Variants in CACNA1B observed in about 807,000 individuals in gnomAD.
CACNA1B encodes the protein calcium voltage-gated channel subunit alpha1 B, also known as voltage-dependent N-type calcium channel subunit alpha-1B.
In CACNA1B, 70 loss-of-function variants were observed where a neutral mutation model predicts 247.2. The ratio of observed to expected loss-of-function variants is 0.28; its 90% CI spans 0.23 to 0.35. The LOEUF is 0.35. Ranked by LOEUF, CACNA1B falls within the 10% of genes least tolerant of loss-of-function variation. The pLI, the probability that CACNA1B is intolerant of heterozygous loss-of-function variation, is 1.00. For missense variants in CACNA1B, 2,367 were observed against 3,197.4 expected, an observed-to-expected ratio of 0.74 and a Z score of 6.26; for synonymous variants, 1,231 against 1,294.4, an observed-to-expected ratio of 0.95 and a Z score of 1.05.
In CACNA1B at chr9:137,917,186, A is replaced by C; in HGVS notation, c.776-55A>C. 6.6e-7 allele frequency: 1 copy of C among 1,513,024 alleles called. No homozygotes were observed. Among genetic ancestry groups the C allele is most frequent in the Non-Finnish European group, 9.0e-7 (1 of 1,107,838 alleles). 93.7% of individuals were successfully genotyped at this position (1,513,024 alleles called of 1,614,324 possible). A position where few individuals can be genotyped will look rare whatever the true frequency, so the allele number is the denominator to read the frequency against. On this transcript the variant is annotated intron_variant, in intron 5 of 46. Transcript: ENST00000371372. The surrounding 1 kb of genome is among the most constrained non-coding windows in gnomAD (Gnocchi z 5.5). ...CCAGAGCCCAGGAATCCTGGTGGGG[A>C]TTGGAGAGCTTGGTATTTCTGAGCT...
Position 138,102,708 on chromosome 9 carries a change from C to T in CACNA1B, c.5223-3C>T. The stretch of plus-strand genomic sequence containing the variant: ...CCCTGGCCTCGCTGGGACGGGTTTC[C>T]AGTGGGCGCATCAGTTACAATGACA... On this transcript the variant is annotated splice_region_variant and splice_polypyrimidine_tract_variant and intron_variant, in intron 37 of 46. Transcript: ENST00000371372. This position sits in a 1 kb window ranked among gnomAD's most constrained non-coding sequence, Gnocchi z 5.4. The T allele has an allele frequency of 1.2e-6, 2 of 1,605,492 alleles. No homozygotes were observed. Among genetic ancestry groups the T allele is most frequent in the Non-Finnish European group, 1.7e-6 (2 of 1,173,846 alleles).
intron 3 of CACNA1B, among the ~76,000 whole-genome samples, chr9:137,884,964 C>A (rs925026526): frequency 2.8e-5 from 3 of 109,034 alleles, no homozygotes; most frequent in Non-Finnish European, 6.3e-5. Context: ...TCTTCCCCCC[C>A]CCCCTCCTCC....
intron 6 of CACNA1B, among the ~76,000 whole-genome samples, chr9:137,921,218 G>A (rs1564890135): frequency 6.6e-6 from 1 of 152,246 alleles, no homozygotes; most frequent in Non-Finnish European, 1.5e-5. Context: ...GAAAGAGATG[G>A]GGCTGGAGCT....
chr9:137,947,789 A>C (rs962123731), intron 6 of CACNA1B, among the ~76,000 whole-genome samples: 4 of 151,994 alleles, frequency 2.6e-5, no homozygotes, highest in African/African-American at 9.6e-5. Flanking sequence ...ATGGTTTCTG[A>C]TGAGAAACCA....
At chr9:138,027,958 T>G (rs1958941194) in intron 20 of CACNA1B, among the ~76,000 whole-genome samples, 1 of 151,760 alleles carries the variant, frequency 6.6e-6, no homozygotes. Context: ...ATTGCTTAAC[T>G]TCACAGCTCC....
intron 37 of CACNA1B, among the ~76,000 whole-genome samples, chr9:138,097,313 G>A (rs539415902): frequency 6.6e-6 from 1 of 152,306 alleles, no homozygotes; most frequent in East Asian, 1.9e-4. Flanking sequence ...GAAGGGCATG[G>A]TTTGGGTCAG....
At chr9:137,993,522 G>A (rs969166974) in intron 15 of CACNA1B, among the ~76,000 whole-genome samples, 1 of 151,968 alleles carries the variant, frequency 6.6e-6, no homozygotes, top group African/African-American at 2.4e-5. Flanking sequence ...ATTACTACTG[G>A]TACCACAGAA....
In CACNA1B at chr9:137,894,216, C is replaced by T. The variant is rs528787581; in HGVS notation, c.530+11333C>T. 3.3e-5 allele frequency among the ~76,000 whole-genome samples: 5 copies of T among 152,012 alleles called. No individual in the cohort carries two copies. The South Asian group carries it at 1.0e-3, about 32-fold the overall frequency. On this transcript the variant is annotated intron_variant, in intron 3 of 46. Transcript: ENST00000371372. ...TTTTAAGAAACTGCCAAACTCTCAGCCAGAGTGGATGTCCCGTTTCACATT... is the reference window on the plus strand; with the variant it reads ...TTTTAAGAAACTGCCAAACTCTCAGTCAGAGTGGATGTCCCGTTTCACATT...
At chr9:138,037,086 A>T (rs199708976) in intron 20 of CACNA1B, among the ~76,000 whole-genome samples, 1 of 152,086 alleles carries the variant, frequency 6.6e-6, no homozygotes, top group Admixed American at 6.6e-5. Context: ...TATTCATGCC[A>T]TTTATTTGTT....
intron 18 of CACNA1B, among the ~76,000 whole-genome samples, chr9:138,013,447 A>C (rs1488442674): frequency 6.6e-6 from 1 of 152,120 alleles, no homozygotes; most frequent in African/African-American, 2.4e-5. Flanking sequence ...GTGGCCAGGC[A>C]CAGCCCTCAC....
chr9:138,112,745 A>T (rs189579742), intron 40 of CACNA1B, among the ~76,000 whole-genome samples: 208 of 152,292 alleles, frequency 1.4e-3, no homozygotes, highest in African/African-American at 3.8e-3. Context: ...TATTTTTTTT[A>T]AATCCAGAGG....
intron 20 of CACNA1B, among the ~76,000 whole-genome samples, chr9:138,028,337 G>A (rs1430979087): frequency 6.6e-6 from 1 of 151,904 alleles, no homozygotes; most frequent in Non-Finnish European, 1.5e-5. Flanking sequence ...TATTTTAAAT[G>A]GTAAAACATT....
chr9:138,014,746 A>G lies in CACNA1B; in HGVS notation c.2267+1511A>G, dbSNP rs1958769068. ...GCCTTCTCTGCTGTTCCTGGAGGCG[A>G]GCACTTGTCCCTTGACCCCTGCTGC... On this transcript the variant is annotated intron_variant, in intron 18 of 46. Transcript: ENST00000371372. The surrounding 1 kb of genome is among the most constrained non-coding windows in gnomAD (Gnocchi z 6.2). Among the ~76,000 whole-genome samples the G allele has an allele frequency of 6.6e-6, 1 of 151,824 alleles. No homozygotes were observed. Among genetic ancestry groups the G allele is most frequent in the South Asian group, 2.1e-4 (1 of 4,816 alleles).
intron 19 of CACNA1B, 135 bp from the exon 20 acceptor site, chr9:138,024,820 G>T: frequency 1.6e-6 from 1 of 642,620 alleles, no homozygotes; most frequent in South Asian, 1.8e-5. Flanking sequence ...TTTTTGTAGA[G>T]ATGGGGTTTC....
At chr9:138,001,245 A>T (rs1034455593) in intron 15 of CACNA1B, among the ~76,000 whole-genome samples, 6 of 96,344 alleles carry the variant, frequency 6.2e-5, no homozygotes, top group African/African-American at 3.5e-4. Flanking sequence ...AATTCATGAT[A>T]AAAAAAAGTC....
At chr9:137,918,294 C>T (rs564323120) in intron 6 of CACNA1B, among the ~76,000 whole-genome samples, 9 of 152,180 alleles carry the variant, frequency 5.9e-5, no homozygotes, top group African/African-American at 1.9e-4. Flanking sequence ...CCCCCACCAC[C>T]GACTCTTGAG....
chr9:138,053,495 TG>T (rs1178707877), intron 25 of CACNA1B, among the ~76,000 whole-genome samples: 1 of 152,152 alleles, frequency 6.6e-6, no homozygotes, highest in African/African-American at 2.4e-5. Context: ...GTAGGTGCCC[TG>T]CCTGGTCCTC....
At chr9:137,895,498 T>C (rs1261061453) in intron 3 of CACNA1B, among the ~76,000 whole-genome samples, 1 of 152,246 alleles carries the variant, frequency 6.6e-6, no homozygotes, top group Admixed American at 6.5e-5. Context: ...TTTCTCCATT[T>C]ATGTAGATCT....
At chr9:137,981,925 C>G (rs1480996823) in intron 12 of CACNA1B, among the ~76,000 whole-genome samples, 1 of 152,206 alleles carries the variant, frequency 6.6e-6, no homozygotes, top group East Asian at 1.9e-4. Context: ...GTCCAAAATT[C>G]TATGAACTGT....
Sources: allele counts gnomAD v4.1 joint callset (sites outside exome capture counted in the v4.1 genomes callset), GRCh38; gene constraint gnomAD v4.1.1; non-coding constraint Gnocchi (gnomAD v3.1); transcripts MANE v1.5; gene names NCBI Gene and HGNC (gene_info 2026-07-23, HGNC 2026-07-21).